Variants in CAMTA2 observed in about 807,000 individuals in gnomAD.
The protein encoded by CAMTA2 is calmodulin-binding transcription activator 2.
In CAMTA2, 56 loss-of-function variants were observed where a neutral mutation model predicts 135.7. The ratio of observed to expected loss-of-function variants is 0.41; its 90% confidence interval spans 0.33 to 0.52. The LOEUF (loss-of-function observed/expected upper bound fraction) is 0.52, where lower values mean the gene tolerates loss of function less well. Ranked by LOEUF, CAMTA2 falls within the 20% of genes least tolerant of loss-of-function variation. CAMTA2 has a pLI of 0.16. For synonymous variants in CAMTA2, 591 were observed against 604.6 expected, an observed-to-expected ratio of 0.98 and a Z score of 0.33; for missense variants, 1,358 against 1,553.4, an observed-to-expected ratio of 0.87 and a Z score of 2.11.
intron 16 of CAMTA2, among the ~76,000 whole-genome samples, chr17:4,971,749 T>C (rs994345050): frequency 1.4e-5 from 2 of 147,738 alleles, no homozygotes; most frequent in Admixed American, 7.0e-5. Context: ...AGTGCAGTGG[T>C]GCAGTCTCGG....
At chr17:4,970,940 A>G (rs1024225141) in intron 16 of CAMTA2, among the ~76,000 whole-genome samples, 1 of 152,040 alleles carries the variant, frequency 6.6e-6, no homozygotes, top group Non-Finnish European at 1.5e-5. Flanking sequence ...GCCAACTACT[A>G]CCCGGATGAA....
chr17:4,973,147 T>TA, intron 14 of CAMTA2, 28 bp downstream of exon 14: 1 of 1,598,602 alleles, frequency 6.3e-7, no homozygotes. Flanking sequence ...CCCTGCCCCA[T>TA]ATGCGCTCAG....
chr17:4,979,780 G>C lies in CAMTA2; in HGVS notation c.1542C>G (p.Ile514Met). The C allele has an allele frequency of 6.2e-7, 1 of 1,614,104 alleles. No individual in the cohort carries two copies. Among genetic ancestry groups the C allele is most frequent in the African/African-American group, 1.3e-5 (1 of 75,012 alleles). The stretch of plus-strand genomic sequence containing the variant: ...CAGGGATGCTTGGAGCTTCGTCACT[G>C]ATGAGTTCTCCCATAAGGTCTGGGA... ...SSFPDLMGEL[I>M]SDEAPSIPAP... is the part of the protein sequence containing the mutation. The change falls in exon 9 of 23, where the codon ATC (isoleucine) becomes ATG (methionine). Residue 514 changes from isoleucine to methionine, a missense_variant. By Grantham distance (10) the Ile-to-Met change is conservative. This residue lies in a region of CAMTA2 where 1,077 missense variants were observed against 1,127.5 expected (regional missense o/e 0.96). Transcript: ENST00000348066.
intron 3 of CAMTA2, among the ~76,000 whole-genome samples, chr17:4,983,527 C>T (rs911955860): frequency 2.0e-5 from 3 of 152,014 alleles, no homozygotes; most frequent in Non-Finnish European, 4.4e-5. Flanking sequence ...TCAGGTGATC[C>T]ACCCGCCTTG....
chr17:4,984,953 C>T (rs567134313), intron 3 of CAMTA2, among the ~76,000 whole-genome samples: 1 of 150,864 alleles, frequency 6.6e-6, no homozygotes, highest in South Asian at 2.1e-4. Flanking sequence ...GGAGGCAGAG[C>T]TTGCAGTGAG....
chr17:4,981,718 C>T lies in CAMTA2; in HGVS notation c.525G>A (p.Lys175=), dbSNP rs760571615. The part of the protein sequence containing the change: ...SISSDRREWL[K]WSREELLGQL... ...GTCCCAACAACTCCTCCCGGGACCA[C>T]TTCAGCCACTCTCGACGGTCGCTGC... The change falls in exon 7 of 23, where the codon AAG becomes AAA. Residue 175 remains lysine (K), a synonymous_variant. Coordinates refer to ENST00000348066, the MANE Select transcript of CAMTA2 (RefSeq NM_015099.4). The T allele has an allele frequency of 1.2e-6, 2 of 1,613,012 alleles. No individual in the cohort carries two copies. The highest frequency in any genetic ancestry group is 1.7e-6 in the Non-Finnish European group (2 of 1,179,490).
chr17:4,982,769 G>T lies in CAMTA2; in HGVS notation c.327C>A (p.Val109=), dbSNP rs760272505. ...CTGACTCTCTTACCTCCATGCCCTG[G>T]ACCTTCAGCTTCATGTGGTCCTCTC... ...TTREDHMKLK[V]QGMECLYGCY... The change falls in exon 5 of 23, where the codon GTC becomes GTA. Residue 109 remains valine, a synonymous_variant. Coordinates refer to ENST00000348066, the MANE Select transcript of CAMTA2 (RefSeq NM_015099.4). The T allele has an allele frequency of 2.5e-6, 4 of 1,614,054 alleles. No individual in the cohort carries two copies. The Admixed American group carries it at 6.7e-5, about 27-fold the overall frequency.
At position 4,985,749 on chromosome 17, in the gene CAMTA2, T is replaced by C. The variant is rs190609765; in HGVS notation, c.135+131A>G. 3 of 663,346 alleles carry C rather than the reference T, an allele frequency of 4.5e-6. No homozygotes were observed. In the East Asian group the frequency reaches 7.9e-5, roughly 18 times the overall value. 41.1% of individuals were successfully genotyped at this position (663,346 alleles called of 1,614,324 possible). A position where few individuals can be genotyped will look rare whatever the true frequency, so the allele number is the denominator to read the frequency against. ...AAGATCCATGTTTTTATACCTCTCC[T>C]AGGATCCCCAAAGAGCTTAGAATGG... On this transcript the variant is annotated intron_variant, in intron 3 of 22. Coordinates refer to ENST00000348066, the MANE Select transcript of CAMTA2 (RefSeq NM_015099.4).
chr17:4,986,181 T>C lies in CAMTA2; in HGVS notation c.31+11A>G, dbSNP rs200973357. 2,086 of 1,545,574 alleles carry C rather than the reference T, an allele frequency of 1.3e-3. 7 individuals carry two copies. Among genetic ancestry groups the C allele is most frequent in the Non-Finnish European group, 1.7e-3 (1,856 of 1,117,588 alleles). On this transcript the variant is annotated intron_variant, in intron 2 of 22. Coordinates refer to ENST00000348066, the MANE Select transcript of CAMTA2 (RefSeq NM_015099.4). ...CTGTGGCCACATTGGGAACCTGGTT[T>C]GTGAACTTACCAGCAACCTCGGTGG...
chr17:4,985,789 G>A, intron 3 of CAMTA2, 91 bp downstream of exon 3: 1 of 803,242 alleles, frequency 1.2e-6, no homozygotes, highest in Non-Finnish European at 2.2e-6. Context: ...CTGCACTTAG[G>A]AGTGTTGACA....
At chr17:4,974,623 A>G in intron 11 of CAMTA2, 123 bp from the exon 12 acceptor site, 3 of 653,158 alleles carry the variant, frequency 4.6e-6, no homozygotes, top group Non-Finnish European at 8.4e-6. Context: ...ATCTTCCCCA[A>G]AACAACAGCT....
At chr17:4,974,136 C>T in intron 12 of CAMTA2, 1 of 551,438 alleles carries the variant, frequency 1.8e-6, no homozygotes, top group South Asian at 2.1e-5. Flanking sequence ...CCCTCCCCCG[C>T]CCTCTCCTTC....
Position 4,973,651 on chromosome 17 carries a change from A to G in CAMTA2, c.2135T>C (p.Met712Thr), listed in dbSNP as rs776963665. The G allele has an allele frequency of 1.9e-6, 3 of 1,614,216 alleles. No individual in the cohort carries two copies. The South Asian group carries it at 3.3e-5, about 18-fold the overall frequency. Reference sequence around the variant, plus strand: ...GGCAGCAGCCAGGTGCAGAAGGCTCATGCCCCGGAAGGGGCTTCCATGGGC... The same window carrying G: ...GGCAGCAGCCAGGTGCAGAAGGCTCGTGCCCCGGAAGGGGCTTCCATGGGC... ...RLAHGSPFRG[M>T]SLLHLAAAQG... Residue 712 changes from methionine (M) to threonine (T), a missense_variant, in exon 13 of 23, where the codon ATG (methionine) becomes ACG (threonine). Physicochemically the swap from Met to Thr is moderately conservative, Grantham distance 81. Around this residue, in one of 4 missense-constraint regions of CAMTA2, gnomAD observed 1,077 missense variants for 1,127.5 expected, o/e 0.96. Coordinates refer to ENST00000348066, the MANE Select transcript of CAMTA2 (RefSeq NM_015099.4).
At position 4,980,450 on chromosome 17, in the gene CAMTA2, G is replaced by C. The variant is rs760190330; in HGVS notation, c.872C>G (p.Ser291Cys). ...PELPKAHTSP[S>C]SSSSSSSSGF... ...TGATGAGGAGGAAGAAGAGGAAGAAGATGGGGAGGTGTGTGCCTTGGGGAG... is the reference window on the plus strand; with the variant it reads ...TGATGAGGAGGAAGAAGAGGAAGAACATGGGGAGGTGTGTGCCTTGGGGAG... Residue 291 changes from serine (S) to cysteine (C), a missense_variant, in exon 9 of 23, where the codon TCT becomes TGT. Ser to Cys is a moderately radical substitution (Grantham distance 112). Transcript: ENST00000348066. This position sits in a 1 kb window ranked among gnomAD's most constrained non-coding sequence, Gnocchi z 5.3. The C allele has an allele frequency of 5.0e-6, 8 of 1,613,554 alleles. No individual in the cohort carries two copies. In the South Asian group the frequency reaches 8.8e-5, roughly 18 times the overall value.
In CAMTA2 at chr17:4,968,763, G is replaced by A; in HGVS notation, c.3602C>T (p.Ala1201Val). The A allele has an allele frequency of 1.2e-6, 2 of 1,614,082 alleles. No individual in the cohort carries two copies. The highest frequency in any genetic ancestry group is 1.7e-6 in the Non-Finnish European group (2 of 1,180,022). ...AGAAAGGCGGTGGCCAGGTCATGTGGCCAGTCCCGGCTGGGGAAGCCCTTC... is the reference window on the plus strand; with the variant it reads ...AGAAAGGCGGTGGCCAGGTCATGTGACCAGTCCCGGCTGGGGAAGCCCTTC... ...ELEGLPQPGL[A>V]T The change falls in exon 23 of 23, where the codon GCC becomes GTC. Residue 1201 changes from alanine to valine, a missense_variant. Physicochemically the swap from Ala to Val is moderately conservative, Grantham distance 64 (BLOSUM62 0). This residue lies in a region of CAMTA2 where 167 missense variants were observed against 207.0 expected (regional missense o/e 0.81). Coordinates refer to ENST00000348066, the MANE Select transcript of CAMTA2 (RefSeq NM_015099.4).
At position 4,977,223 on chromosome 17, in the gene CAMTA2, C is replaced by G. The variant is rs146218957; in HGVS notation, c.1766-31G>C. 1.2e-4 allele frequency: 196 copies of G among 1,605,552 alleles called. 1 individual carries two copies. The East Asian group carries it at 4.2e-3, about 34-fold the overall frequency. On this transcript the variant is annotated intron_variant, in intron 10 of 22. Transcript: ENST00000348066. The stretch of plus-strand genomic sequence containing the variant: ...GAGGGTAGGATCAGCGAGAAGGGCT[C>G]TCTTTCCCTGGCTCCTTCTCTGGCT...
chr17:4,974,303 A>G (rs926776206), intron 12 of CAMTA2, 82 bp downstream of exon 12: 1 of 848,310 alleles, frequency 1.2e-6, no homozygotes, highest in East Asian at 2.5e-5. Context: ...GAGGGAGGAG[A>G]GTCATGGGCA....
At chr17:4,982,369 C>G (rs1187849067) in intron 5 of CAMTA2, 1 of 598,568 alleles carries the variant, frequency 1.7e-6, no homozygotes, top group Non-Finnish European at 3.0e-6. Flanking sequence ...TAGTGAGGAC[C>G]AGATTTGAGA....
rs200943343 is a variant in CAMTA2 at position 4,980,107 on chromosome 17, G to A, written c.1215C>T (p.Ala405=). ...CTAGGGCAGAACAGGGGGTATGAGC[G>A]GCCTCTGCCTCGGGGAAGTCTGGGC... ...GVSPDFPEAE[A]AHTPCSALEP... Residue 405 remains alanine, a synonymous_variant, in exon 9 of 23, where the codon GCC becomes GCT. Coordinates refer to ENST00000348066, the MANE Select transcript of CAMTA2 (RefSeq NM_015099.4). This position sits in a 1 kb window ranked among gnomAD's most constrained non-coding sequence, Gnocchi z 5.3. 1.5e-4 allele frequency: 239 copies of A among 1,610,128 alleles called. No homozygotes were observed. Among genetic ancestry groups the A allele is most frequent in the Non-Finnish European group, 1.9e-4 (226 of 1,177,586 alleles).
Sources: allele counts gnomAD v4.1 joint callset (sites outside exome capture counted in the v4.1 genomes callset), GRCh38; gene constraint gnomAD v4.1.1; regional missense constraint gnomAD v4.1.1; non-coding constraint Gnocchi (gnomAD v3.1); transcripts MANE v1.5; gene names NCBI Gene and HGNC (gene_info 2026-07-23, HGNC 2026-07-21).